Variants in RANBP2 observed in about 807,000 individuals in gnomAD.
RANBP2 encodes the protein RAN binding protein 2, also known as E3 SUMO-protein ligase RanBP2.
A neutral mutation model predicts 303.6 loss-of-function variants in RANBP2; 57 were observed. That is an observed-to-expected ratio of 0.19 (90% CI 0.15 to 0.23). The LOEUF (loss-of-function observed/expected upper bound fraction) is 0.23, where lower values mean the gene tolerates loss of function less well. Ranked by LOEUF, RANBP2 falls within the 10% of genes least tolerant of loss-of-function variation. The pLI is 1.00. For missense variants in RANBP2, 3,138 were observed against 3,780.8 expected (o/e 0.83, Z 4.46); for synonymous variants, 1,167 against 1,301.5 (o/e 0.90, Z 2.23).
At chr2:109,342,779 G>T in the RANBP2 span, among the ~76,000 whole-genome samples, 4 of 152,200 alleles carry the variant, frequency 2.6e-5, no homozygotes, top group African/African-American at 9.7e-5. Context: ...CCACGTGAGC[G>T]CCATCTCCAC....
chr2:109,023,235 C>T, the RANBP2 span, among the ~76,000 whole-genome samples: 1 of 152,262 alleles, frequency 6.6e-6, no homozygotes, highest in African/African-American at 2.4e-5. Flanking sequence ...AACAGAGGTG[C>T]CCTGTGGACG....
the RANBP2 span, among the ~76,000 whole-genome samples, chr2:109,097,123 G>A: frequency 6.6e-6 from 1 of 152,156 alleles, no homozygotes; most frequent in Non-Finnish European, 1.5e-5. Flanking sequence ...GGCCAACATG[G>A]TGAAACCCCG....
At chr2:109,572,291 C>A in the RANBP2 span, among the ~76,000 whole-genome samples, 1 of 152,086 alleles carries the variant, frequency 6.6e-6, no homozygotes, top group Admixed American at 6.5e-5. Flanking sequence ...CCACGACGCC[C>A]GGCTGAATTT....
the RANBP2 span, among the ~76,000 whole-genome samples, chr2:109,357,248 C>A: frequency 0.28 from 42,327 of 151,572 alleles, 6,858 homozygotes; most frequent in Non-Finnish European, 0.37. Flanking sequence ...GTGGCACGAT[C>A]TCGGCTTGCT....
At chr2:109,480,182 C>T in the RANBP2 span, among the ~76,000 whole-genome samples, 4 of 152,208 alleles carry the variant, frequency 2.6e-5, no homozygotes, top group Non-Finnish European at 5.9e-5. Flanking sequence ...GAAAAGAAGG[C>T]GTTGTGCCCA....
At chr2:109,188,915 A>T in the RANBP2 span, among the ~76,000 whole-genome samples, 1 of 151,932 alleles carries the variant, frequency 6.6e-6, no homozygotes, top group East Asian at 1.9e-4. Flanking sequence ...TAGTCTCACA[A>T]CTTTTTCTTT....
chr2:109,526,801 C>T, the RANBP2 span, among the ~76,000 whole-genome samples: 1 of 152,146 alleles, frequency 6.6e-6, no homozygotes, highest in Non-Finnish European at 1.5e-5. Flanking sequence ...CCACCTCAGC[C>T]TGGTGAATTC....
At chr2:108,743,369 A>C (rs1347923509) in intron 7 of RANBP2, among the ~76,000 whole-genome samples, 1 of 152,132 alleles carries the variant, frequency 6.6e-6, no homozygotes, top group African/African-American at 2.4e-5. Flanking sequence ...TCCTGGGCTC[A>C]AGTGATCCTC....
chr2:108,857,709 A>G, the RANBP2 span, among the ~76,000 whole-genome samples: 1 of 152,226 alleles, frequency 6.6e-6, no homozygotes, highest in East Asian at 1.9e-4. Flanking sequence ...ATTTCAGTTT[A>G]CTAATGTAAG....
At chr2:108,821,411 A>T in the RANBP2 span, among the ~76,000 whole-genome samples, 1 of 152,198 alleles carries the variant, frequency 6.6e-6, no homozygotes, top group Admixed American at 6.5e-5. Flanking sequence ...GTGGAGCCAT[A>T]ATGATGCAGA....
At chr2:109,167,002 A>G in the RANBP2 span, among the ~76,000 whole-genome samples, 2 of 152,206 alleles carry the variant, frequency 1.3e-5, no homozygotes, top group Non-Finnish European at 2.9e-5. Flanking sequence ...AAGTAGCTTG[A>G]GCAATGCTAA....
chr2:108,848,824 A>G, the RANBP2 span, among the ~76,000 whole-genome samples: 3 of 152,226 alleles, frequency 2.0e-5, no homozygotes, highest in African/African-American at 7.2e-5. Flanking sequence ...CCAGAAATGA[A>G]TCAAAATTGG....
chr2:108,973,239 C>A, the RANBP2 span, among the ~76,000 whole-genome samples: 6 of 152,208 alleles, frequency 3.9e-5, no homozygotes, highest in Non-Finnish European at 1.5e-5. Context: ...CTGCCTGCTT[C>A]GGCCTCCCAA....
chr2:108,748,762 A>C (rs955380193), intron 8 of RANBP2, among the ~76,000 whole-genome samples, 158 bp from the exon 9 acceptor site: 1 of 152,202 alleles, frequency 6.6e-6, no homozygotes, highest in African/African-American at 2.4e-5. Flanking sequence ...CATTTGCTAC[A>C]TAAGCACCGG....
At chr2:109,665,430 C>T in the RANBP2 span, 2 of 151,698 alleles carry the variant, frequency 1.3e-5, no homozygotes, top group African/African-American at 4.9e-5. Flanking sequence ...ACAACCTCCA[C>T]CTCTGGGTTC....
chr2:109,514,121 A>G, the RANBP2 span, among the ~76,000 whole-genome samples: 1 of 152,204 alleles, frequency 6.6e-6, no homozygotes, highest in Admixed American at 6.5e-5. Flanking sequence ...TGCTCCATCA[A>G]GTGCTCTTGC....
the RANBP2 span, among the ~76,000 whole-genome samples, chr2:109,609,103 T>G: frequency 6.6e-6 from 1 of 152,118 alleles, no homozygotes; most frequent in South Asian, 2.1e-4. Flanking sequence ...ATAATGAAAA[T>G]CGGTCTGGGA....
At chr2:109,141,124 G>A in the RANBP2 span, among the ~76,000 whole-genome samples, 4 of 152,120 alleles carry the variant, frequency 2.6e-5, no homozygotes, top group Admixed American at 6.6e-5. Flanking sequence ...CATCCAGGTG[G>A]AAAGATGCAA....
At chr2:109,606,252 T>C in the RANBP2 span, among the ~76,000 whole-genome samples, 2 of 152,040 alleles carry the variant, frequency 1.3e-5, no homozygotes, top group African/African-American at 2.4e-5. Flanking sequence ...CCGCTTCTAC[T>C]AGAACTACAA....
Sources: allele counts gnomAD v4.1 joint callset (sites outside exome capture counted in the v4.1 genomes callset), GRCh38; gene constraint gnomAD v4.1.1; transcripts MANE v1.5; gene names NCBI Gene and HGNC (gene_info 2026-07-23, HGNC 2026-07-21).